LDAH: variants seen among roughly 807,000 people sequenced by gnomAD.
LDAH encodes the protein lipid droplet-associated hydrolase.
Under a neutral mutation model 29.6 loss-of-function variants are expected in LDAH, and 26 were observed. The ratio of observed to expected loss-of-function variants is 0.88; its 90% CI spans 0.64 to 1.22. LDAH has a LOEUF of 1.22. LDAH is among the 50% of genes most tolerant of loss of function. The probability of loss-of-function intolerance (pLI) is 0.00; values close to 1 mark genes in which losing one functional copy is unlikely to be tolerated. For synonymous variants in LDAH, 117 were observed against 133.0 expected, an observed-to-expected ratio of 0.88 and a Z score of 0.83; for missense variants, 344 against 387.3, an observed-to-expected ratio of 0.89 and a Z score of 0.94.
At chr2:20,741,718 T>C (rs1284687409) in intron 4 of LDAH, among the ~76,000 whole-genome samples, 1 of 152,212 alleles carries the variant, frequency 6.6e-6, no homozygotes, top group African/African-American at 2.4e-5. Flanking sequence ...AGTGAGGACA[T>C]GCAGTATTTG....
chr2:20,818,314 T>C (rs1046858702), intron 1 of LDAH, among the ~76,000 whole-genome samples: 1 of 152,156 alleles, frequency 6.6e-6, no homozygotes, highest in South Asian at 2.1e-4. Context: ...TATATATGTA[T>C]TTAATTGCAA....
At chr2:20,762,818 A>G (rs183675755) in intron 4 of LDAH, among the ~76,000 whole-genome samples, 175 of 152,360 alleles carry the variant, frequency 1.1e-3, no homozygotes, top group African/African-American at 4.1e-3. Flanking sequence ...CACATACTAC[A>G]GACTAGTGAC....
At chr2:20,782,362 A>G (rs1301777110) in intron 3 of LDAH, among the ~76,000 whole-genome samples, 1 of 152,222 alleles carries the variant, frequency 6.6e-6, no homozygotes, top group East Asian at 1.9e-4. Flanking sequence ...GCTTCTGTCT[A>G]TAGTATGACT....
intron 4 of LDAH, among the ~76,000 whole-genome samples, chr2:20,742,526 C>A (rs1667253620): frequency 6.6e-6 from 1 of 152,188 alleles, no homozygotes; most frequent in Non-Finnish European, 1.5e-5. Context: ...TCTTGGAGGA[C>A]TGACCTCTTT....
Position 20,731,766 on chromosome 2 carries a change from A to T in LDAH, c.703+8205T>A, listed in dbSNP as rs1193590730. Among the ~76,000 whole-genome samples, 4 of 151,766 alleles carry T rather than the reference A, an allele frequency of 2.6e-5. No homozygotes were observed. The East Asian group carries it at 7.7e-4, about 29-fold the overall frequency. ...GCAAATAATATTGACTTTTGTGCTT[A>T]TCCTGTATCCTGTGACATTGTTGAA... On this transcript the variant is annotated intron_variant, in intron 5 of 6. Transcript: ENST00000237822.
chr2:20,721,673 C>T (rs1665660147), intron 5 of LDAH, among the ~76,000 whole-genome samples: 1 of 152,048 alleles, frequency 6.6e-6, no homozygotes, highest in Non-Finnish European at 1.5e-5. Context: ...AGGGGAATAC[C>T]TGTAAACTGT....
At chr2:20,708,133 A>G (rs1442124099) in intron 5 of LDAH, among the ~76,000 whole-genome samples, 1 of 152,242 alleles carries the variant, frequency 6.6e-6, no homozygotes, top group Non-Finnish European at 1.5e-5. Flanking sequence ...ACATTTAATA[A>G]TAATGGAAAT....
intron 6 of LDAH, among the ~76,000 whole-genome samples, chr2:20,688,536 G>A (rs1036832727): frequency 8.5e-5 from 13 of 152,204 alleles, no homozygotes; most frequent in African/African-American, 2.9e-4. Context: ...AAGAAGGATT[G>A]GAGGTGATCA....
At chr2:20,755,853 A>G (rs1252233239) in intron 4 of LDAH, among the ~76,000 whole-genome samples, 2 of 152,186 alleles carry the variant, frequency 1.3e-5, no homozygotes, top group South Asian at 2.1e-4. Flanking sequence ...TGTGTGTTAG[A>G]TAAGTGGTTT....
chr2:20,693,210 G>A (rs1159083857), intron 6 of LDAH, among the ~76,000 whole-genome samples: 1 of 151,570 alleles, frequency 6.6e-6, no homozygotes, highest in East Asian at 1.9e-4. Flanking sequence ...CACTCTTAAA[G>A]GCTGCTGCTT....
intron 2 of LDAH, among the ~76,000 whole-genome samples, chr2:20,793,212 G>C (rs1671088060): frequency 6.6e-6 from 1 of 152,082 alleles, no homozygotes; most frequent in South Asian, 2.1e-4. Flanking sequence ...AAATAGGTGA[G>C]ATAAAGAGTG....
At chr2:20,703,712 G>A (rs116418810) in intron 5 of LDAH, among the ~76,000 whole-genome samples, 2,063 of 152,118 alleles carry the variant, frequency 0.014, 50 homozygotes, top group African/African-American at 0.047. Flanking sequence ...CCAGGACCCT[G>A]AGACCTTCTG....
chr2:20,719,967 C>T (rs1302597259), intron 5 of LDAH, among the ~76,000 whole-genome samples: 3 of 151,980 alleles, frequency 2.0e-5, no homozygotes, highest in Non-Finnish European at 4.4e-5. Flanking sequence ...AAAAACATAC[C>T]TCAATACCAT....
At chr2:20,719,891 T>C (rs918388407) in intron 5 of LDAH, among the ~76,000 whole-genome samples, 2 of 152,068 alleles carry the variant, frequency 1.3e-5, no homozygotes, top group Non-Finnish European at 2.9e-5. Flanking sequence ...CAATACATGC[T>C]GGAAAAGTGT....
chr2:20,789,239 GGAA>G, intron 3 of LDAH: 1 of 1,550,542 alleles, frequency 6.4e-7, no homozygotes, highest in African/African-American at 1.4e-5. Flanking sequence ...GGGGTCTTTG[GGAA>G]GTAATTAGGA....
In LDAH at chr2:20,797,527, G is replaced by A. The variant is rs149937074; in HGVS notation, c.154+3783C>T. Among the ~76,000 whole-genome samples, 442 of 152,214 alleles carry A rather than the reference G, an allele frequency of 2.9e-3. 2 individuals are homozygous for A. Among genetic ancestry groups the A allele is most frequent in the Non-Finnish European group, 4.3e-3 (292 of 67,954 alleles). The stretch of plus-strand genomic sequence containing the variant: ...CAACTCCTCTGTTTTGCCCGAGACT[G>A]TCATGGTTTTAGTACTGAAAGTCTT... On this transcript the variant is annotated intron_variant, in intron 2 of 6. Transcript: ENST00000237822.
Position 20,743,062 on chromosome 2 carries a change from C to T in LDAH, c.469-2857G>A, listed in dbSNP as rs546732798. 4.6e-5 allele frequency among the ~76,000 whole-genome samples: 7 copies of T among 152,132 alleles called. No individual in the cohort carries two copies. The East Asian group carries it at 9.7e-4, about 21-fold the overall frequency. Reference sequence around the variant, plus strand: ...ACAGGTGTGAGCCACCACACCAGGCCTATTTGGTGCACTTAGACCACTGAT... The same window carrying T: ...ACAGGTGTGAGCCACCACACCAGGCTTATTTGGTGCACTTAGACCACTGAT... On this transcript the variant is annotated intron_variant, in intron 4 of 6. Transcript: ENST00000237822.
intron 3 of LDAH, among the ~76,000 whole-genome samples, chr2:20,784,415 T>A (rs1670409158): frequency 6.6e-6 from 1 of 151,824 alleles, no homozygotes; most frequent in African/African-American, 2.4e-5. Context: ...TCTAAATAAA[T>A]AAATAAAGTG....
rs150630194 is a variant in LDAH at position 20,768,224 on chromosome 2, G to A, written c.468+6586C>T. ...CAAAGCTGAAACATGCCCCCTGCTC[G>A]CCATGTTGCGAGTGAAGAGAAGGAG... On this transcript the variant is annotated intron_variant, in intron 4 of 6. Transcript: ENST00000237822. Among the ~76,000 whole-genome samples the A allele has an allele frequency of 5.3e-3, 801 of 152,264 alleles. 6 individuals carry two copies. Among genetic ancestry groups the A allele is most frequent in the African/African-American group, 0.018 (758 of 41,548 alleles).
Sources: gnomAD v4.1 joint callset for allele counts (sites outside exome capture counted in the v4.1 genomes callset) on GRCh38, gnomAD v4.1.1 for gene constraint, MANE v1.5 for transcripts, NCBI Gene and HGNC (gene_info 2026-07-23, HGNC 2026-07-21) for gene names.